FAM120C: variants seen among roughly 807,000 people sequenced by gnomAD.
FAM120C encodes constitutive coactivator of PPAR-gamma-like protein 2.
A neutral mutation model predicts 71.2 loss-of-function variants in FAM120C; 14 were observed. The observed-to-expected ratio is 0.20, with a 90% CI of 0.13 to 0.31. FAM120C has a LOEUF of 0.31. FAM120C is among the 10% of genes least tolerant of loss of function. FAM120C has a pLI of 1.00. For synonymous variants in FAM120C, 354 were observed against 353.2 expected (o/e 1.00, Z -0.03); for missense variants, 500 against 879.0 (o/e 0.57, Z 5.45).
chrX:54,145,972 C>T (rs1432300247), intron 4 of FAM120C, among the ~76,000 whole-genome samples: 4 of 112,041 alleles, frequency 3.6e-5, no homozygotes, highest in African/African-American at 1.3e-4. Flanking sequence ...GAATACTATG[C>T]AGCCATAAAA....
chrX:54,153,410 T>TA (rs1284296249), intron 3 of FAM120C, among the ~76,000 whole-genome samples: 2 of 98,055 alleles, frequency 2.0e-5, no homozygotes, highest in African/African-American at 3.7e-5. Flanking sequence ...GGATAATATA[T>TA]TTTTTTTTTT....
At chrX:54,124,417 C>T (rs1213362508) in intron 9 of FAM120C, among the ~76,000 whole-genome samples, 1 of 41,272 alleles carries the variant, frequency 2.4e-5, no homozygotes, top group African/African-American at 9.6e-5. Context: ...GATATAGTCT[C>T]GTGGTGCGCC....
At chrX:54,138,502 A>AG (rs1557131053) in intron 4 of FAM120C, among the ~76,000 whole-genome samples, 1 of 103,716 alleles carries the variant, frequency 9.6e-6, no homozygotes, top group Non-Finnish European at 2.0e-5. Context: ...TCTCAAAAAA[A>AG]AAAAAAAAAA....
chrX:54,094,384 A>G (rs782743705), intron 10 of FAM120C, among the ~76,000 whole-genome samples: 2 of 107,704 alleles, frequency 1.9e-5, no homozygotes, highest in African/African-American at 3.4e-5. Flanking sequence ...GGCATGAGCC[A>G]TCGCACCTGG....
intron 4 of FAM120C, 84 bp from the exon 5 acceptor site, chrX:54,136,674 A>C: frequency 1.5e-6 from 1 of 670,209 alleles, no homozygotes; most frequent in Non-Finnish European, 2.3e-6. Context: ...AATCAAAATA[A>C]TTATCAGAAA....
At chrX:54,082,331 T>C (rs2066770340) in intron 13 of FAM120C, among the ~76,000 whole-genome samples, 1 of 111,639 alleles carries the variant, frequency 9.0e-6, no homozygotes, top group African/African-American at 3.3e-5. Flanking sequence ...GATCATAGCA[T>C]ATAGTAGGCA....
At chrX:54,106,008 C>T (rs1557124808) in intron 10 of FAM120C, among the ~76,000 whole-genome samples, 1 of 111,713 alleles carries the variant, frequency 9.0e-6, no homozygotes, top group Non-Finnish European at 1.9e-5. Flanking sequence ...GATTCAATGC[C>T]ATCCCCATCA....
At chrX:54,172,866 T>C (rs1271977634) in intron 1 of FAM120C, among the ~76,000 whole-genome samples, 2 of 112,331 alleles carry the variant, frequency 1.8e-5, no homozygotes, top group Non-Finnish European at 3.8e-5. Context: ...AACCACTGGC[T>C]ACGTATACAG....
rs1346556115 is a variant in FAM120C, at chrX:54,129,276, C to T, written c.2062+3416G>A. ...CTCACTTCTCAGACGGGGCGGCTGCCGGGCGGAGGGTCTCCTCACTTCTCA... is the reference window on the plus strand; with the variant it reads ...CTCACTTCTCAGACGGGGCGGCTGCTGGGCGGAGGGTCTCCTCACTTCTCA... On this transcript the variant is annotated intron_variant, in intron 9 of 15. Coordinates refer to ENST00000375180, the MANE Select transcript of FAM120C (RefSeq NM_017848.6). Among the ~76,000 whole-genome samples the T allele has an allele frequency of 5.3e-4, 55 of 104,296 alleles. No individual in the cohort carries two copies. The Admixed American group carries it at 5.4e-3, about 10-fold the overall frequency. 90.6% of individuals were successfully genotyped at this position (104,296 alleles called of 115,157 possible).
At chrX:54,162,295 G>A (rs1212445489) in intron 1 of FAM120C, among the ~76,000 whole-genome samples, 8 of 111,265 alleles carry the variant, frequency 7.2e-5, no homozygotes, top group African/African-American at 2.6e-4. Flanking sequence ...CCCTGTCTTT[G>A]CTCACTTGGT....
intron 4 of FAM120C, among the ~76,000 whole-genome samples, chrX:54,137,397 A>T (rs900198422): frequency 1.6e-4 from 18 of 112,016 alleles, no homozygotes; most frequent in Non-Finnish European, 5.6e-5. Flanking sequence ...TTGTTGATGT[A>T]TAGCTGGTCT....
rs1322486314 is a variant in FAM120C, at chrX:54,071,466, C to G, written c.*1567G>C. On this transcript the variant is annotated 3_prime_UTR_variant, in exon 16 of 16. Transcript: ENST00000375180. ...AATCAAATAGTTTCCTCACACTTCC[C>G]TACCCTATCTTTCCAAAGCTAGTCC... 2 of 112,900 alleles carry G rather than the reference C, an allele frequency of 1.8e-5. No homozygotes were observed. Among genetic ancestry groups the G allele is most frequent in the Non-Finnish European group, 1.9e-5 (1 of 53,345 alleles). 9.3% of individuals were successfully genotyped at this position (112,900 alleles called of 1,213,427 possible).
Position 54,173,682 on chromosome X carries a change from T to C in FAM120C, c.699+8818A>G, listed in dbSNP as rs782008237. On this transcript the variant is annotated intron_variant, in intron 1 of 15. Transcript: ENST00000375180. ...AGAAATAGGCTCTCTCCTGTTCAAA[T>C]ACGTGAACTTCTTCCATAAAAAAGA... 3.4e-5 allele frequency: 4 copies of C among 118,416 alleles called. No individual in the cohort carries two copies. In the East Asian group the frequency reaches 1.0e-3, roughly 30 times the overall value. The allele number at this position is 118,416 out of a possible 1,213,427, so 9.8% of individuals were successfully genotyped here.
At chrX:54,092,521 G>A (rs186969348) in intron 10 of FAM120C, among the ~76,000 whole-genome samples, 32 of 110,495 alleles carry the variant, frequency 2.9e-4, no homozygotes, top group Non-Finnish European at 4.7e-4. Flanking sequence ...CTCTAGCCTG[G>A]GCGACAGAGT....
Position 54,113,329 on chromosome X carries a change from G to A in FAM120C, c.2312+3216C>T, listed in dbSNP as rs147089379. 9.4e-3 allele frequency among the ~76,000 whole-genome samples: 975 copies of A among 103,281 alleles called. 9 individuals carry two copies. Among genetic ancestry groups the A allele is most frequent in the African/African-American group, 0.033 (936 of 28,237 alleles). The allele number at this position is 103,281 out of a possible 115,157, so 89.7% of individuals were successfully genotyped here. ...TAAAAAATTAGCCGGGCGTGGTGGC[G>A]TGCACCTGTAATCCCAGCTACTCAG... On this transcript the variant is annotated intron_variant, in intron 10 of 15. Transcript: ENST00000375180.
intron 1 of FAM120C, among the ~76,000 whole-genome samples, chrX:54,169,014 C>A (rs1557135588): frequency 8.9e-6 from 1 of 111,875 alleles, no homozygotes; most frequent in East Asian, 2.8e-4. Context: ...TCTTTCAGGG[C>A]TGGACATGGT....
chrX:54,107,264 T>C (rs1557124979), intron 10 of FAM120C, among the ~76,000 whole-genome samples: 1 of 109,168 alleles, frequency 9.2e-6, no homozygotes, highest in African/African-American at 3.3e-5. Context: ...GCCTGGCTAA[T>C]TTTTGTATTT....
In FAM120C at chrX:54,072,819, T is replaced by C. The variant is rs2066716964; in HGVS notation, c.*214A>G. Reference sequence around the variant, plus strand: ...GACTAGGACCTAGTCTTACTGCCATTCATCTTTGACCAGAACTTCTCCAGA... The same window carrying C: ...GACTAGGACCTAGTCTTACTGCCATCCATCTTTGACCAGAACTTCTCCAGA... On this transcript the variant is annotated 3_prime_UTR_variant, in exon 16 of 16. Transcript: ENST00000375180. 1 of 383,784 alleles carries C rather than the reference T, an allele frequency of 2.6e-6. No individual in the cohort carries two copies. The highest frequency in any genetic ancestry group is 6.4e-5 in the South Asian group (1 of 15,660). The allele number at this position is 383,784 out of a possible 1,213,427, so 31.6% of individuals were successfully genotyped here. A position where few individuals can be genotyped will look rare whatever the true frequency, so the allele number is the denominator to read the frequency against.
chrX:54,134,641 T>C (rs1188420705), intron 7 of FAM120C, among the ~76,000 whole-genome samples, 190 bp downstream of exon 7: 1 of 112,011 alleles, frequency 8.9e-6, no homozygotes, highest in Non-Finnish European at 1.9e-5. Context: ...AAAATTACCA[T>C]CTGCACAGGG....
Sources: allele counts gnomAD v4.1 joint callset (sites outside exome capture counted in the v4.1 genomes callset), GRCh38; gene constraint gnomAD v4.1.1; transcripts MANE v1.5; gene names NCBI Gene and HGNC (gene_info 2026-07-23, HGNC 2026-07-21).